The following ARL15 variants were observed in gnomAD, a reference collection of about 807,000 sequenced individuals.
The protein encoded by ARL15 is ARF like GTPase 15.
Under a neutral mutation model 25.2 loss-of-function variants are expected in ARL15, and 19 were observed. The ratio of observed to expected loss-of-function variants is 0.75; its 90% CI spans 0.53 to 1.10. ARL15 has a LOEUF of 1.10. Among genes scored for constraint, ARL15 ranks in the 50% least tolerant of loss-of-function variants. The pLI, the probability that ARL15 is intolerant of heterozygous loss-of-function variation, is 0.00. For missense variants in ARL15, 220 were observed against 246.0 expected (o/e 0.89, Z 0.71); for synonymous variants, 94 against 86.8 (o/e 1.08, Z -0.46).
At chr5:54,232,814 T>C (rs1321020647) in intron 1 of ARL15, among the ~76,000 whole-genome samples, 5 of 152,186 alleles carry the variant, frequency 3.3e-5, no homozygotes, top group Non-Finnish European at 4.4e-5. Context: ...CTGACACTCA[T>C]GTTCACCCCT....
In ARL15 at chr5:54,102,949, C is replaced by T. The variant is rs181689776; in HGVS notation, c.462+10253G>A. Reference sequence around the variant, plus strand: ...TGGTTTAACTTCTCATTTATGAAAACAATCCCAGTTATTTTATGGAGCTAG... The same window carrying T: ...TGGTTTAACTTCTCATTTATGAAAATAATCCCAGTTATTTTATGGAGCTAG... On this transcript the variant is annotated intron_variant, in intron 4 of 4. Transcript: ENST00000504924. Among the ~76,000 whole-genome samples, 38 of 152,236 alleles carry T rather than the reference C, an allele frequency of 2.5e-4. No homozygotes were observed. The East Asian group carries it at 6.2e-3, about 25-fold the overall frequency.
At chr5:54,156,656 C>G (rs1262939217) in intron 2 of ARL15, among the ~76,000 whole-genome samples, 1 of 152,204 alleles carries the variant, frequency 6.6e-6, no homozygotes, top group East Asian at 1.9e-4. Context: ...CAGCTGAAGT[C>G]TGCTGCACAG....
intron 4 of ARL15, among the ~76,000 whole-genome samples, chr5:54,045,475 C>T (rs766259847): frequency 2.0e-5 from 3 of 151,962 alleles, no homozygotes; most frequent in Admixed American, 6.6e-5. Context: ...ACTAGATGCA[C>T]GTCATATCAG....
intron 3 of ARL15, among the ~76,000 whole-genome samples, chr5:54,151,970 G>A (rs1754081942): frequency 6.6e-6 from 1 of 152,032 alleles, no homozygotes. Flanking sequence ...TTAACCCCAG[G>A]ATAAGGAGAA....
At chr5:54,131,235 T>C (rs931857034) in intron 3 of ARL15, among the ~76,000 whole-genome samples, 1 of 152,234 alleles carries the variant, frequency 6.6e-6, no homozygotes, top group African/African-American at 2.4e-5. Context: ...AGCCTGTCAT[T>C]CAAGGCTCTT....
chr5:53,906,657 T>C (rs921688529), intron 4 of ARL15, among the ~76,000 whole-genome samples: 1 of 152,212 alleles, frequency 6.6e-6, no homozygotes, highest in Non-Finnish European at 1.5e-5. Flanking sequence ...GTTCCCTAAA[T>C]GAGCAAATCA....
intron 1 of ARL15, among the ~76,000 whole-genome samples, chr5:54,173,440 C>A (rs1343756746): frequency 2.6e-5 from 4 of 151,970 alleles, no homozygotes; most frequent in Admixed American, 6.6e-5. Flanking sequence ...AGAGAAGAGA[C>A]CTATAAAAAA....
chr5:54,041,980 T>G (rs988793677), intron 4 of ARL15, among the ~76,000 whole-genome samples: 2 of 151,830 alleles, frequency 1.3e-5, no homozygotes, highest in Non-Finnish European at 2.9e-5. Context: ...TTTTGTTTTT[T>G]TTTTTTTTGA....
intron 4 of ARL15, among the ~76,000 whole-genome samples, chr5:53,978,162 C>G (rs1256511800): frequency 6.6e-6 from 1 of 152,124 alleles, no homozygotes; most frequent in Non-Finnish European, 1.5e-5. Flanking sequence ...TGGTATATTG[C>G]TTAGTATCTG....
At chr5:53,923,269 C>A (rs1468928906) in intron 4 of ARL15, among the ~76,000 whole-genome samples, 4 of 152,126 alleles carry the variant, frequency 2.6e-5, no homozygotes, top group African/African-American at 9.7e-5. Flanking sequence ...AGTCCTTTTG[C>A]CTCTCCAACT....
At chr5:54,082,968 G>A (rs1561217090) in intron 4 of ARL15, among the ~76,000 whole-genome samples, 1 of 151,948 alleles carries the variant, frequency 6.6e-6, no homozygotes, top group Non-Finnish European at 1.5e-5. Flanking sequence ...GAAAATATGG[G>A]AAAAATGAAA....
At chr5:54,150,280 T>C (rs1754029712) in intron 3 of ARL15, among the ~76,000 whole-genome samples, 2 of 152,066 alleles carry the variant, frequency 1.3e-5, no homozygotes, top group Admixed American at 1.3e-4. Context: ...GTTTGGAAAG[T>C]AGAAGTAAGA....
chr5:53,896,658 G>A (rs531664286), intron 4 of ARL15, among the ~76,000 whole-genome samples: 3 of 151,988 alleles, frequency 2.0e-5, no homozygotes, highest in East Asian at 1.9e-4. Flanking sequence ...CACCACGCCC[G>A]GCTAATTTTT....
chr5:54,231,634 G>T (rs1756674624), intron 1 of ARL15, among the ~76,000 whole-genome samples: 1 of 152,154 alleles, frequency 6.6e-6, no homozygotes, highest in Non-Finnish European at 1.5e-5. Context: ...CAACAGAAAT[G>T]TATTTTCTCA....
intron 3 of ARL15, among the ~76,000 whole-genome samples, chr5:54,147,505 C>G (rs1195560020): frequency 6.6e-6 from 1 of 152,112 alleles, no homozygotes; most frequent in East Asian, 1.9e-4. Flanking sequence ...CTTGCTGAAC[C>G]ACACTTCTTC....
intron 4 of ARL15, among the ~76,000 whole-genome samples, chr5:53,971,889 T>A (rs1747765325): frequency 6.6e-6 from 1 of 152,218 alleles, no homozygotes; most frequent in Non-Finnish European, 1.5e-5. Flanking sequence ...ACAATTGCAA[T>A]GTTCATTTTC....
In ARL15 at chr5:54,021,426, A is replaced by C. The variant is rs191616520; in HGVS notation, c.462+91776T>G. Reference sequence around the variant, plus strand: ...AAAATATAAAACATCAGTAAGTAGAAGATGTAAAGGATCAAATATAAACTT... The same window carrying C: ...AAAATATAAAACATCAGTAAGTAGACGATGTAAAGGATCAAATATAAACTT... On this transcript the variant is annotated intron_variant, in intron 4 of 4. Coordinates refer to ENST00000504924, the MANE Select transcript of ARL15 (RefSeq NM_019087.3). Among the ~76,000 whole-genome samples the C allele has an allele frequency of 2.2e-3, 331 of 152,344 alleles. 2 individuals carry two copies. Among genetic ancestry groups the C allele is most frequent in the Non-Finnish European group, 3.4e-3 (233 of 68,028 alleles).
At chr5:54,097,505 T>A (rs1210860046) in intron 4 of ARL15, among the ~76,000 whole-genome samples, 1 of 152,234 alleles carries the variant, frequency 6.6e-6, no homozygotes, top group African/African-American at 2.4e-5. Flanking sequence ...AATTGGCTAG[T>A]CTTACAAAAA....
intron 4 of ARL15, among the ~76,000 whole-genome samples, chr5:54,093,824 T>G (rs543296126): frequency 6.6e-6 from 1 of 152,350 alleles, no homozygotes; most frequent in South Asian, 2.1e-4. Flanking sequence ...AATATTCAAG[T>G]GATTTTGCTA....
Sources: allele counts gnomAD v4.1 joint callset (sites outside exome capture counted in the v4.1 genomes callset), GRCh38; gene constraint gnomAD v4.1.1; transcripts MANE v1.5; gene names NCBI Gene and HGNC (gene_info 2026-07-23, HGNC 2026-07-21).